CLCA4: variants seen among roughly 807,000 people sequenced by gnomAD.
The protein encoded by CLCA4 is chloride channel accessory 4, also known as calcium-activated chloride channel regulator 4.
Under a neutral mutation model 78.9 loss-of-function variants are expected in CLCA4, and 69 were observed. The ratio of observed to expected loss-of-function variants is 0.87; its 90% CI spans 0.72 to 1.07. The LOEUF (loss-of-function observed/expected upper bound fraction) is 1.07. CLCA4 is among the 50% of genes least tolerant of loss of function. CLCA4 has a pLI of 0.00. For missense variants in CLCA4, 1,133 were observed against 1,095.8 expected, an observed-to-expected ratio of 1.03 and a Z score of -0.48; for synonymous variants, 362 against 375.8, an observed-to-expected ratio of 0.96 and a Z score of 0.42.
At chr1:86,558,076 G>T (rs1400818899) in intron 1 of CLCA4, among the ~76,000 whole-genome samples, 2 of 151,758 alleles carry the variant, frequency 1.3e-5, no homozygotes, top group Non-Finnish European at 2.9e-5. Context: ...TGAGCCTATG[G>T]GTGTCATTAT....
intron 12 of CLCA4, 115 bp downstream of exon 12, chr1:86,578,187 T>C (rs770602430): frequency 3.1e-6 from 3 of 957,882 alleles, no homozygotes; most frequent in African/African-American, 1.7e-5. Context: ...TTCCCATTTA[T>C]GGAATAAAGT....
At chr1:86,557,841 G>A (rs1458041296) in intron 1 of CLCA4, among the ~76,000 whole-genome samples, 4 of 152,064 alleles carry the variant, frequency 2.6e-5, no homozygotes, top group Admixed American at 2.6e-4. Flanking sequence ...ACGTCTCTAA[G>A]AACTTGCTTT....
chr1:86,558,320 A>C (rs1388396051), intron 1 of CLCA4, among the ~76,000 whole-genome samples: 1 of 152,056 alleles, frequency 6.6e-6, no homozygotes, highest in African/African-American at 2.4e-5. Context: ...CTGTGTGTCT[A>C]AGTCTGTTTT....
chr1:86,559,814 C>G (rs1432838666), intron 1 of CLCA4, 118 bp from the exon 2 acceptor site: 3 of 745,336 alleles, frequency 4.0e-6, no homozygotes, highest in Admixed American at 5.2e-5. Flanking sequence ...AGAGACCCTA[C>G]TCATCAGTCT....
In CLCA4 at chr1:86,580,549, T is replaced by G; in HGVS notation, c.*204T>G. On this transcript the variant is annotated 3_prime_UTR_variant, in exon 14 of 14. Coordinates refer to ENST00000370563, the MANE Select transcript of CLCA4 (RefSeq NM_012128.4). ...TATGTAAAAACTGTCAAGATTAAAA[T>G]TTAATAGTTTCATTTATTTGTTATT... The G allele has an allele frequency of 2.5e-6, 1 of 397,922 alleles. No individual in the cohort carries two copies. Among genetic ancestry groups the G allele is most frequent in the Non-Finnish European group, 4.4e-6 (1 of 227,408 alleles). The allele number at this position is 397,922 out of a possible 1,614,324, so 24.6% of individuals were successfully genotyped here.
chr1:86,552,913 C>T, intron 1 of CLCA4: 5 of 671,194 alleles, frequency 7.4e-6, no homozygotes, highest in Admixed American at 4.4e-5. Flanking sequence ...ATCTCCCAGA[C>T]GCTCCTCCCT....
At chr1:86,552,191 T>A (rs1378160549) in intron 1 of CLCA4, among the ~76,000 whole-genome samples, 1 of 151,950 alleles carries the variant, frequency 6.6e-6, no homozygotes, top group African/African-American at 2.4e-5. Context: ...TCTAAAGACA[T>A]AAGGTATAAA....
At chr1:86,558,454 G>C (rs967387436) in intron 1 of CLCA4, among the ~76,000 whole-genome samples, 1 of 152,090 alleles carries the variant, frequency 6.6e-6, no homozygotes. Context: ...TGAAATACTT[G>C]GTTGAAGATT....
chr1:86,550,118 T>C (rs930532075), intron 1 of CLCA4, among the ~76,000 whole-genome samples: 2 of 152,236 alleles, frequency 1.3e-5, no homozygotes, highest in African/African-American at 2.4e-5. Flanking sequence ...CCCTTCTGCA[T>C]GTTTTAATTA....
At chr1:86,572,571 T>A in intron 8 of CLCA4, 43 bp from the exon 9 acceptor site, 1 of 1,123,528 alleles carries the variant, frequency 8.9e-7, no homozygotes, top group Non-Finnish European at 1.4e-6. Flanking sequence ...ATATATGTAC[T>A]TATTTTCTAG....
intron 6 of CLCA4, 30 bp downstream of exon 6, chr1:86,566,050 G>A (rs755758828): frequency 4.4e-6 from 7 of 1,580,760 alleles, no homozygotes; most frequent in Non-Finnish European, 6.1e-6. Context: ...ATATAGGGAT[G>A]TAGGATATTT....
At chr1:86,571,758 C>T (rs1650358068) in intron 8 of CLCA4, among the ~76,000 whole-genome samples, 1 of 151,980 alleles carries the variant, frequency 6.6e-6, no homozygotes, top group South Asian at 2.1e-4. Flanking sequence ...TTAACAGAAG[C>T]TCAGACTGAA....
intron 9 of CLCA4, among the ~76,000 whole-genome samples, chr1:86,573,657 A>C (rs1339634759): frequency 6.6e-6 from 1 of 152,050 alleles, no homozygotes; most frequent in Non-Finnish European, 1.5e-5. Context: ...ACCTGCAAAC[A>C]AGTTAAAAAT....
chr1:86,565,195 T>A, intron 4 of CLCA4, 79 bp from the exon 5 acceptor site: 1 of 955,056 alleles, frequency 1.0e-6, no homozygotes, highest in East Asian at 2.5e-5. Context: ...ATAAAGTTCA[T>A]CATGAATAGA....
rs2101824101 is a variant in CLCA4, at chr1:86,580,550, T to G, written c.*205T>G. 2 of 398,136 alleles carry G rather than the reference T, an allele frequency of 5.0e-6. No individual in the cohort carries two copies. Among genetic ancestry groups the G allele is most frequent in the South Asian group, 2.4e-4 (2 of 8,436 alleles). The allele number at this position is 398,136 out of a possible 1,614,324, so 24.7% of individuals were successfully genotyped here. On this transcript the variant is annotated 3_prime_UTR_variant, in exon 14 of 14. Coordinates refer to ENST00000370563, the MANE Select transcript of CLCA4 (RefSeq NM_012128.4). ...ATGTAAAAACTGTCAAGATTAAAAT[T>G]TAATAGTTTCATTTATTTGTTATTT...
intron 3 of CLCA4, among the ~76,000 whole-genome samples, chr1:86,560,834 A>G (rs867389582): frequency 1.1e-4 from 17 of 152,214 alleles, no homozygotes; most frequent in African/African-American, 4.1e-4. Flanking sequence ...GATAATATCA[A>G]TCTATTTCAT....
chr1:86,547,158 G>C lies in CLCA4; in HGVS notation c.39G>C (p.Leu13=). 2.5e-6 allele frequency: 4 copies of C among 1,609,606 alleles called. No homozygotes were observed. Among genetic ancestry groups the C allele is most frequent in the Non-Finnish European group, 3.4e-6 (4 of 1,178,816 alleles). ...LFRGFVFLLV[L]CLLHQSNTSF... ...GAGGTTTTGTTTTCCTCTTAGTTCT[G>C]TGCCTGCTGCACCAGTCAAATACTT... Residue 13 remains leucine, a synonymous_variant, in exon 1 of 14, where the codon CTG becomes CTC. Coordinates refer to ENST00000370563, the MANE Select transcript of CLCA4 (RefSeq NM_012128.4).
chr1:86,552,900 T>G, intron 1 of CLCA4: 2 of 685,526 alleles, frequency 2.9e-6, no homozygotes, highest in Non-Finnish European at 5.3e-6. Context: ...TTGAGGGCCA[T>G]CCATCTCCCA....
intron 1 of CLCA4, among the ~76,000 whole-genome samples, chr1:86,550,813 G>A (rs1004860097): frequency 6.6e-6 from 1 of 150,896 alleles, no homozygotes; most frequent in Non-Finnish European, 1.5e-5. Context: ...GAGATAATAA[G>A]GTCTAGGGAG....
Sources: allele counts gnomAD v4.1 joint callset (sites outside exome capture counted in the v4.1 genomes callset), GRCh38; gene constraint gnomAD v4.1.1; transcripts MANE v1.5; gene names NCBI Gene and HGNC (gene_info 2026-07-23, HGNC 2026-07-21).